Variants in CD99L2 observed in about 807,000 individuals in gnomAD.
CD99L2 encodes CD99 antigen-like protein 2.
A neutral mutation model predicts 27.3 loss-of-function variants in CD99L2; 24 were observed. That is an observed-to-expected ratio of 0.88 (90% CI 0.64 to 1.24). The LOEUF is 1.24. Among genes scored for constraint, CD99L2 ranks in the 50% most tolerant of loss-of-function variants. The pLI is 0.00. For missense variants in CD99L2, 255 were observed against 221.6 expected (o/e 1.15, Z -0.96); for synonymous variants, 97 against 87.9 (o/e 1.10, Z -0.58).
chrX:150,802,479 T>C (rs2045923030), intron 4 of CD99L2, among the ~76,000 whole-genome samples: 1 of 108,070 alleles, frequency 9.3e-6, no homozygotes, highest in Admixed American at 9.8e-5. Flanking sequence ...TGGGAGAATC[T>C]TGCTTGAGTC....
At chrX:150,851,761 T>G (rs782005943) in intron 1 of CD99L2, among the ~76,000 whole-genome samples, 1 of 111,706 alleles carries the variant, frequency 9.0e-6, no homozygotes, top group South Asian at 3.7e-4. Context: ...TGGCTCTTTC[T>G]CCATTTTCAA....
intron 1 of CD99L2, among the ~76,000 whole-genome samples, chrX:150,898,156 C>G (rs1447692117): frequency 9.4e-6 from 1 of 106,606 alleles, no homozygotes; most frequent in Non-Finnish European, 1.9e-5. Flanking sequence ...TGTCGGTGGC[C>G]TCGCAGCAAA....
intron 1 of CD99L2, among the ~76,000 whole-genome samples, chrX:150,897,143 A>G (rs1270730010): frequency 8.9e-6 from 1 of 112,883 alleles, no homozygotes; most frequent in Non-Finnish European, 1.9e-5. Context: ...AATGCATTGT[A>G]AACAAAATAA....
At chrX:150,875,673 C>G (rs782012054) in intron 1 of CD99L2, among the ~76,000 whole-genome samples, 25 of 112,066 alleles carry the variant, frequency 2.2e-4, no homozygotes, top group African/African-American at 8.1e-4. Context: ...TCTTGAATTC[C>G]CATGTGATGT....
chrX:150,877,132 A>AAG (rs2047241009), intron 1 of CD99L2, among the ~76,000 whole-genome samples: 1 of 109,837 alleles, frequency 9.1e-6, no homozygotes, highest in South Asian at 3.8e-4. Flanking sequence ...AAAAAAAAAA[A>AAG]AAAAAGAAAG....
Position 150,854,971 on chromosome X carries a change from C to G in CD99L2, c.68-23678G>C, listed in dbSNP as rs144817319. 4.5e-5 allele frequency among the ~76,000 whole-genome samples: 5 copies of G among 110,615 alleles called. 1 individual carries two copies. Among genetic ancestry groups the G allele is most frequent in the African/African-American group, 1.6e-4 (5 of 30,365 alleles). On this transcript the variant is annotated intron_variant, in intron 1 of 10. Transcript: ENST00000370377. ...AGGAAAGGGGACCCATGGAAACAGA[C>G]AGATGGCCTAAAGAAGACATCTGCC...
chrX:150,776,060 T>C, intron 9 of CD99L2, 114 bp downstream of exon 9: 1 of 981,243 alleles, frequency 1.0e-6, no homozygotes. Flanking sequence ...CCAGGAAGTC[T>C]GCTTGGGAGT....
intron 9 of CD99L2, among the ~76,000 whole-genome samples, chrX:150,771,089 G>C (rs933808900): frequency 1.8e-5 from 2 of 111,758 alleles, no homozygotes; most frequent in Non-Finnish European, 3.8e-5. Context: ...GCTGCTTGCA[G>C]AGAGTCAAGA....
intron 1 of CD99L2, among the ~76,000 whole-genome samples, chrX:150,863,301 G>A (rs2047008235): frequency 1.8e-5 from 2 of 112,063 alleles, no homozygotes; most frequent in South Asian, 7.6e-4. Context: ...CCATAGGGAG[G>A]GGCTTCCAGT....
intron 4 of CD99L2, among the ~76,000 whole-genome samples, chrX:150,807,749 G>C (rs2046017005): frequency 8.9e-6 from 1 of 112,612 alleles, no homozygotes; most frequent in Non-Finnish European, 1.9e-5. Flanking sequence ...AGGCCTGTGT[G>C]TGTGTGCTCA....
At chrX:150,880,489 G>A (rs1337979075) in intron 1 of CD99L2, among the ~76,000 whole-genome samples, 3 of 112,189 alleles carry the variant, frequency 2.7e-5, no homozygotes, top group Non-Finnish European at 5.6e-5. Flanking sequence ...TGAATGCCCA[G>A]AATAGGGAAA....
intron 4 of CD99L2, among the ~76,000 whole-genome samples, chrX:150,796,082 T>C (rs2045791886): frequency 8.9e-6 from 1 of 112,656 alleles, no homozygotes; most frequent in Non-Finnish European, 1.9e-5. Context: ...GATTCTTCTC[T>C]TGAACTTCAG....
chrX:150,842,913 T>G (rs782451650), intron 1 of CD99L2, among the ~76,000 whole-genome samples: 42 of 111,827 alleles, frequency 3.8e-4, no homozygotes, highest in African/African-American at 1.3e-3. Flanking sequence ...CTTGGTAATC[T>G]CCATGCCAAC....
At chrX:150,855,110 T>C (rs2046853398) in intron 1 of CD99L2, among the ~76,000 whole-genome samples, 1 of 112,049 alleles carries the variant, frequency 8.9e-6, no homozygotes, top group African/African-American at 3.2e-5. Context: ...GACTGGTGCA[T>C]GACTGGTTAT....
chrX:150,770,285 G>GT lies in CD99L2; in HGVS notation c.721+18dup. 1.7e-6 allele frequency: 2 copies of GT among 1,204,690 alleles called. No individual in the cohort carries two copies. The highest frequency in any genetic ancestry group is 2.3e-6 in the Non-Finnish European group (2 of 888,663). ...ACTAGGAAAGCGTCAGCAAGGGACA[G>GT]TGAGTACAAAGTTCTCACCTTGGGG... On this transcript the variant is annotated intron_variant, in intron 10 of 10. Coordinates refer to ENST00000370377, the MANE Select transcript of CD99L2 (RefSeq NM_031462.4).
chrX:150,844,826 G>A (rs185279481), intron 1 of CD99L2, among the ~76,000 whole-genome samples: 283 of 110,983 alleles, frequency 2.5e-3, no homozygotes, highest in African/African-American at 8.2e-3. Flanking sequence ...GCCATAAGAG[G>A]TCTGACCCGG....
At chrX:150,791,271 G>C (rs1557419705) in intron 7 of CD99L2, among the ~76,000 whole-genome samples, 2 of 111,934 alleles carry the variant, frequency 1.8e-5, no homozygotes, top group Non-Finnish European at 3.8e-5. Flanking sequence ...ATCTCTGTCT[G>C]CTTAGACAGT....
At chrX:150,775,681 G>A (rs1432282584) in intron 9 of CD99L2, among the ~76,000 whole-genome samples, 5 of 112,396 alleles carry the variant, frequency 4.4e-5, no homozygotes, top group African/African-American at 1.6e-4. Flanking sequence ...GACTTCTCAC[G>A]ATGTGACGGG....
chrX:150,859,673 A>G (rs1453917820), intron 1 of CD99L2, among the ~76,000 whole-genome samples: 1 of 108,469 alleles, frequency 9.2e-6, no homozygotes, highest in African/African-American at 3.3e-5. Flanking sequence ...AATTTTTTGT[A>G]TTTTTAGTAC....
Sources: gnomAD v4.1 joint callset for allele counts (sites outside exome capture counted in the v4.1 genomes callset) on GRCh38, gnomAD v4.1.1 for gene constraint, MANE v1.5 for transcripts, NCBI Gene and HGNC (gene_info 2026-07-23, HGNC 2026-07-21) for gene names.